HSD17B2: variants seen among roughly 807,000 people sequenced by gnomAD.
HSD17B2 encodes hydroxysteroid 17-beta dehydrogenase 2.
HSD17B2 carries 32 observed loss-of-function variants against 26.9 expected under a neutral mutation model. The ratio of observed to expected loss-of-function variants is 1.19; its 90% CI spans 0.90 to 1.60. HSD17B2 has a LOEUF of 1.60. Among genes scored for constraint, HSD17B2 ranks in the 40% most tolerant of loss-of-function variants. The pLI is 0.00. For missense variants in HSD17B2, 613 were observed against 468.6 expected, an observed-to-expected ratio of 1.31 and a Z score of -2.85; for synonymous variants, 246 against 186.7, an observed-to-expected ratio of 1.32 and a Z score of -2.59.
chr16:82,079,639 T>A lies in HSD17B2; in HGVS notation c.664+8512T>A, dbSNP rs541984076. Among the ~76,000 whole-genome samples, 207 of 152,294 alleles carry A rather than the reference T, an allele frequency of 1.4e-3. 2 individuals are homozygous for A. Among genetic ancestry groups the A allele is most frequent in the Non-Finnish European group, 2.3e-3 (157 of 68,032 alleles). On this transcript the variant is annotated intron_variant, in intron 3 of 4. Transcript: ENST00000199936. ...ATTCAGTCCATAACACTGTAATTGA[T>A]AAGGGACAGGGGAATTCAGCAGAGA...
Position 82,078,394 on chromosome 16 carries a change from G to A in HSD17B2, c.664+7267G>A, listed in dbSNP as rs147249689. On this transcript the variant is annotated intron_variant, in intron 3 of 4. Transcript: ENST00000199936. ...CAAAAGTCAGGCAATAACAAATCCT[G>A]GTAAGGATGTGGAGAAAGAGAACCC... Among the ~76,000 whole-genome samples, 4 of 152,280 alleles carry A rather than the reference G, an allele frequency of 2.6e-5. No individual in the cohort carries two copies. The East Asian group carries it at 7.7e-4, about 29-fold the overall frequency.
chr16:82,060,375 T>C (rs867259856), intron 1 of HSD17B2, among the ~76,000 whole-genome samples: 2 of 152,106 alleles, frequency 1.3e-5, no homozygotes, highest in Non-Finnish European at 2.9e-5. Flanking sequence ...GGAATGTGTG[T>C]GTGTGTGAGA....
At chr16:82,090,107 C>G (rs997900374) in intron 3 of HSD17B2, 30 of 388,916 alleles carry the variant, frequency 7.7e-5, no homozygotes, top group South Asian at 5.1e-4. Flanking sequence ...CACCATTTCC[C>G]AGGATGTATG....
intron 1 of HSD17B2, among the ~76,000 whole-genome samples, chr16:82,036,957 C>T (rs1330302263): frequency 6.6e-6 from 1 of 152,216 alleles, no homozygotes; most frequent in Non-Finnish European, 1.5e-5. Flanking sequence ...AGGCAAACCA[C>T]AGGGTAGCTG....
At chr16:82,052,632 GC>G (rs1408620445) in intron 1 of HSD17B2, among the ~76,000 whole-genome samples, 2 of 152,188 alleles carry the variant, frequency 1.3e-5, no homozygotes, top group Non-Finnish European at 2.9e-5. Context: ...AAATGACAAA[GC>G]TGGGCCCTGA....
chr16:82,053,735 C>A (rs1914180677), intron 1 of HSD17B2, among the ~76,000 whole-genome samples: 1 of 152,154 alleles, frequency 6.6e-6, no homozygotes, highest in African/African-American at 2.4e-5. Flanking sequence ...AGACTGTGCA[C>A]AGAGAAGACT....
At chr16:82,071,502 G>C (rs559123617) in intron 3 of HSD17B2, 317 of 348,896 alleles carry the variant, frequency 9.1e-4, no homozygotes, top group Non-Finnish European at 1.5e-3. Flanking sequence ...ACTGTGTTCA[G>C]TTCCCTGTAA....
intron 1 of HSD17B2, among the ~76,000 whole-genome samples, chr16:82,057,185 C>T (rs895251659): frequency 6.6e-6 from 1 of 151,796 alleles, no homozygotes; most frequent in Non-Finnish European, 1.5e-5. Context: ...GCATAACTCC[C>T]CACTTTCTCT....
intron 1 of HSD17B2, among the ~76,000 whole-genome samples, chr16:82,061,250 T>A (rs561644024): frequency 2.7e-4 from 40 of 147,540 alleles, no homozygotes; most frequent in Admixed American, 1.0e-3. Flanking sequence ...AGAGTGAGAC[T>A]CTGTCAAAAA....
chr16:82,090,237 T>C, intron 3 of HSD17B2: 3 of 977,672 alleles, frequency 3.1e-6, no homozygotes, highest in South Asian at 9.5e-5. Context: ...TCAGAAGGTA[T>C]GTTGGTCAGG....
intron 3 of HSD17B2, among the ~76,000 whole-genome samples, chr16:82,073,786 T>G (rs1567588397): frequency 6.6e-6 from 1 of 152,298 alleles, no homozygotes; most frequent in South Asian, 2.1e-4. Context: ...CCAAAGCAAT[T>G]TATAGATTCG....
intron 3 of HSD17B2, among the ~76,000 whole-genome samples, chr16:82,083,974 C>G (rs1183923165): frequency 1.3e-5 from 2 of 152,152 alleles, no homozygotes; most frequent in African/African-American, 4.8e-5. Flanking sequence ...CTCTTTGAGG[C>G]CTAAAGTCGC....
At chr16:82,043,513 C>A (rs1401819475) in intron 1 of HSD17B2, among the ~76,000 whole-genome samples, 1 of 142,608 alleles carries the variant, frequency 7.0e-6, no homozygotes, top group Non-Finnish European at 1.5e-5. Flanking sequence ...TGAAACCCCG[C>A]CTCTACTAAA....
At position 82,098,281 on chromosome 16, in the gene HSD17B2, T is replaced by C. The variant is rs780338158; in HGVS notation, c.1009T>C (p.Tyr337His). The part of the protein sequence containing the change: ...HAILAKSPFA[Y>H]YTPGKGAYLW... ...TATCTTGGCGAAGAGCCCTTTTGCC[T>C]ATTACACGCCAGGGAAAGGCGCTTA... The change falls in exon 5 of 5, where the codon TAT (tyrosine) becomes CAT (histidine). Residue 337 changes from tyrosine to histidine, a missense_variant. By Grantham distance (83) the Tyr-to-His change is moderately conservative. Coordinates refer to ENST00000199936, the MANE Select transcript of HSD17B2 (RefSeq NM_002153.3). The C allele has an allele frequency of 9.3e-6, 15 of 1,614,214 alleles. No individual in the cohort carries two copies. The highest frequency in any genetic ancestry group is 1.2e-5 in the Non-Finnish European group (14 of 1,180,018).
At chr16:82,060,831 T>C (rs1914417589) in intron 1 of HSD17B2, among the ~76,000 whole-genome samples, 1 of 152,184 alleles carries the variant, frequency 6.6e-6, no homozygotes, top group Admixed American at 6.5e-5. Flanking sequence ...AGAGCTGTGA[T>C]CTTTGGCTGA....
intron 2 of HSD17B2, among the ~76,000 whole-genome samples, chr16:82,069,582 C>T (rs1438916366): frequency 6.6e-6 from 1 of 152,188 alleles, no homozygotes; most frequent in African/African-American, 2.4e-5. Context: ...TGAAACTTTG[C>T]CTCTGTCTCC....
At chr16:82,097,391 A>G (rs1904882534) in intron 4 of HSD17B2, 1 of 131,840 alleles carries the variant, frequency 7.6e-6, no homozygotes, top group Admixed American at 7.7e-5. Flanking sequence ...ACATATATAT[A>G]TATATTTTAG....
intron 3 of HSD17B2, among the ~76,000 whole-genome samples, chr16:82,086,142 G>C (rs1365789358): frequency 1.3e-5 from 2 of 152,156 alleles, no homozygotes; most frequent in Non-Finnish European, 2.9e-5. Context: ...GTAAGAGATA[G>C]AAAAGAGGTG....
At chr16:82,094,863 G>C (rs984926794) in intron 4 of HSD17B2, 5 of 152,154 alleles carry the variant, frequency 3.3e-5, no homozygotes, top group African/African-American at 1.2e-4. Context: ...CATCATAATA[G>C]CCCCATCTTG....
Sources: allele counts gnomAD v4.1 joint callset (sites outside exome capture counted in the v4.1 genomes callset), GRCh38; gene constraint gnomAD v4.1.1; transcripts MANE v1.5; gene names NCBI Gene and HGNC (gene_info 2026-07-23, HGNC 2026-07-21).